DACH2: variants seen among roughly 807,000 people sequenced by gnomAD.
DACH2 encodes dachshund homolog 2.
Under a neutral mutation model 35.8 loss-of-function variants are expected in DACH2, and 17 were observed. The ratio of observed to expected loss-of-function variants is 0.48; its 90% confidence interval spans 0.33 to 0.71. The LOEUF (loss-of-function observed/expected upper bound fraction) is 0.71, where lower values mean the gene tolerates loss of function less well. Ranked by LOEUF, DACH2 falls within the 30% of genes least tolerant of loss-of-function variation. The probability of loss-of-function intolerance (pLI) is 0.02; values close to 1 mark genes in which losing one functional copy is unlikely to be tolerated. For synonymous variants in DACH2, 195 were observed against 177.3 expected (o/e 1.10, Z -0.79); for missense variants, 469 against 472.7 (o/e 0.99, Z 0.07).
intron 7 of DACH2, among the ~76,000 whole-genome samples, chrX:86,777,111 G>A (rs1043070694): frequency 9.0e-6 from 1 of 111,482 alleles, no homozygotes; most frequent in African/African-American, 3.3e-5. Flanking sequence ...CCAGCAATGG[G>A]ATGGCTGGGT....
rs1011313416 is a variant in DACH2, at chrX:86,808,673, A to G, written c.1241-4183A>G. ...AAAAAAAAAAAATGGGTCACCTGGG[A>G]CAATAGTATTTAGGGAAAAGATCTC... On this transcript the variant is annotated intron_variant, in intron 7 of 11. Transcript: ENST00000373125. Among the ~76,000 whole-genome samples, 3 of 110,184 alleles carry G rather than the reference A, an allele frequency of 2.7e-5. No homozygotes were observed. The East Asian group carries it at 8.5e-4, about 31-fold the overall frequency.
intron 3 of DACH2, among the ~76,000 whole-genome samples, chrX:86,572,093 C>T (rs1158894000): frequency 1.8e-5 from 2 of 110,500 alleles, no homozygotes; most frequent in African/African-American, 3.3e-5. Context: ...CGGCCTGTTG[C>T]GGGGTGCGGG....
chrX:86,341,504 A>G (rs192204982), intron 1 of DACH2, among the ~76,000 whole-genome samples: 9 of 112,364 alleles, frequency 8.0e-5, no homozygotes, highest in African/African-American at 2.9e-4. Flanking sequence ...CTGGTCACCC[A>G]AGAGCCGTGA....
At chrX:86,361,981 T>C (rs1485984456) in intron 1 of DACH2, among the ~76,000 whole-genome samples, 1 of 111,303 alleles carries the variant, frequency 9.0e-6, no homozygotes, top group Admixed American at 9.7e-5. Flanking sequence ...ACAATTGCAA[T>C]AATTATTAAA....
chrX:86,726,496 G>T (rs1404768700), intron 6 of DACH2, among the ~76,000 whole-genome samples: 1 of 111,259 alleles, frequency 9.0e-6, no homozygotes, highest in Non-Finnish European at 1.9e-5. Context: ...TGTCCTAGGG[G>T]TGTGTGGGAG....
intron 1 of DACH2, among the ~76,000 whole-genome samples, chrX:86,191,953 A>C (rs1273459232): frequency 9.0e-6 from 1 of 111,208 alleles, no homozygotes; most frequent in Non-Finnish European, 1.9e-5. Context: ...AAAACAAACA[A>C]ACAAACCTTA....
intron 1 of DACH2, among the ~76,000 whole-genome samples, chrX:86,257,845 G>T (rs2033552660): frequency 8.9e-6 from 1 of 112,014 alleles, no homozygotes; most frequent in African/African-American, 3.2e-5. Context: ...GTTTGATATG[G>T]TCAGCTAAGA....
At chrX:86,473,346 T>A (rs998551015) in intron 2 of DACH2, among the ~76,000 whole-genome samples, 7 of 111,280 alleles carry the variant, frequency 6.3e-5, no homozygotes, top group Non-Finnish European at 1.3e-4. Context: ...CCCTCAAGCA[T>A]TTATCCTTTA....
intron 7 of DACH2, among the ~76,000 whole-genome samples, chrX:86,801,445 G>A: frequency 9.0e-6 from 1 of 111,658 alleles, no homozygotes; most frequent in Non-Finnish European, 1.9e-5. Flanking sequence ...CATATTCTCA[G>A]TGATTGTGGG....
intron 7 of DACH2, among the ~76,000 whole-genome samples, chrX:86,786,590 C>T (rs1434283256): frequency 1.8e-5 from 2 of 112,089 alleles, no homozygotes; most frequent in Non-Finnish European, 3.8e-5. Flanking sequence ...CTCAAACATT[C>T]ACAGTAGTGC....
intron 1 of DACH2, among the ~76,000 whole-genome samples, chrX:86,161,862 T>C (rs887308717): frequency 8.9e-5 from 10 of 111,863 alleles, no homozygotes; most frequent in Non-Finnish European, 1.9e-4. Flanking sequence ...TTTTGTAAAG[T>C]CGTATGATGT....
intron 3 of DACH2, among the ~76,000 whole-genome samples, chrX:86,576,458 G>A (rs1003974421): frequency 4.5e-5 from 5 of 111,499 alleles, no homozygotes; most frequent in African/African-American, 1.6e-4. Flanking sequence ...CATGAAATAT[G>A]CACAACATAA....
chrX:86,355,439 G>A (rs972106261), intron 1 of DACH2, among the ~76,000 whole-genome samples: 5 of 112,155 alleles, frequency 4.5e-5, no homozygotes, highest in East Asian at 2.8e-4. Flanking sequence ...TCTCCAAACC[G>A]CTTTCCACAG....
chrX:86,306,114 A>C, intron 1 of DACH2, among the ~76,000 whole-genome samples: 1 of 112,310 alleles, frequency 8.9e-6, no homozygotes, highest in Admixed American at 9.5e-5. Flanking sequence ...AAAGAAATTG[A>C]AATTAATTTG....
intron 1 of DACH2, among the ~76,000 whole-genome samples, chrX:86,211,727 A>C (rs977379548): frequency 1.8e-5 from 2 of 111,828 alleles, no homozygotes; most frequent in African/African-American, 6.5e-5. Context: ...TGATCTGGAA[A>C]TCCTAAGTAT....
At chrX:86,390,489 G>T (rs2036184194) in intron 2 of DACH2, among the ~76,000 whole-genome samples, 1 of 111,846 alleles carries the variant, frequency 8.9e-6, no homozygotes, top group South Asian at 3.7e-4. Context: ...TTTGTAATTA[G>T]ATATTCTAAT....
intron 2 of DACH2, among the ~76,000 whole-genome samples, chrX:86,424,981 G>A (rs2036867608): frequency 9.0e-6 from 1 of 111,230 alleles, no homozygotes; most frequent in Non-Finnish European, 1.9e-5. Context: ...CACATTAATT[G>A]ATTTGCATAT....
chrX:86,709,312 T>C (rs1353455746), intron 5 of DACH2, among the ~76,000 whole-genome samples: 1 of 111,777 alleles, frequency 8.9e-6, no homozygotes, highest in African/African-American at 3.2e-5. Flanking sequence ...AGAAAGATCA[T>C]AGCATTTTTC....
intron 2 of DACH2, among the ~76,000 whole-genome samples, chrX:86,472,121 C>T (rs945875487): frequency 8.9e-6 from 1 of 111,869 alleles, no homozygotes; most frequent in Non-Finnish European, 1.9e-5. Context: ...ATAAATGGGA[C>T]ACTGGAAATA....
Sources: gnomAD v4.1 joint callset for allele counts (sites outside exome capture counted in the v4.1 genomes callset) on GRCh38, gnomAD v4.1.1 for gene constraint, MANE v1.5 for transcripts, NCBI Gene and HGNC (gene_info 2026-07-23, HGNC 2026-07-21) for gene names.